Variants in TIAM1 observed in about 807,000 individuals in gnomAD.
TIAM1 encodes TIAM Rac1 associated GEF 1, also known as rho guanine nucleotide exchange factor TIAM1.
TIAM1 carries 65 observed loss-of-function variants against 163.5 expected under a neutral mutation model. The observed-to-expected ratio is 0.40, with a 90% confidence interval of 0.33 to 0.49. The LOEUF (loss-of-function observed/expected upper bound fraction) is 0.49, where lower values mean the gene tolerates loss of function less well. Ranked by LOEUF, TIAM1 falls within the 20% of genes least tolerant of loss-of-function variation. TIAM1 has a pLI of 0.77. For missense variants in TIAM1, 1,789 were observed against 2,044.7 expected (o/e 0.87, Z 2.41); for synonymous variants, 833 against 810.1 (o/e 1.03, Z -0.48).
chr21:31,409,254 C>T (rs754585974), intron 2 of TIAM1, among the ~76,000 whole-genome samples: 1 of 152,142 alleles, frequency 6.6e-6, no homozygotes, highest in Non-Finnish European at 1.5e-5. Context: ...GAATTACAGG[C>T]ATCCGCCACC....
chr21:31,199,665 G>A (rs2086090810), intron 12 of TIAM1, among the ~76,000 whole-genome samples: 3 of 151,994 alleles, frequency 2.0e-5, no homozygotes, highest in Admixed American at 2.0e-4. Flanking sequence ...TGAATAGCTG[G>A]AACCATAGGC....
Position 31,413,128 on chromosome 21 carries a change from G to A in TIAM1, c.-369+50855C>T, listed in dbSNP as rs897088321. Among the ~76,000 whole-genome samples, 11 of 152,120 alleles carry A rather than the reference G, an allele frequency of 7.2e-5. No homozygotes were observed. The East Asian group carries it at 1.7e-3, about 24-fold the overall frequency. On this transcript the variant is annotated intron_variant, in intron 2 of 28. Coordinates refer to the TIAM1 transcript ENST00000286827. Reference sequence around the variant, plus strand: ...AAATATAAAGAAACAAAATAATATCGTAATTCTCCTTTCTCAGATGCTTCT... The same window carrying A: ...AAATATAAAGAAACAAAATAATATCATAATTCTCCTTTCTCAGATGCTTCT...
rs1389810096 is a variant in TIAM1, at chr21:31,120,889, A to C, written c.4307-52T>G. On this transcript the variant is annotated intron_variant, in intron 27 of 27. Transcript: ENST00000541036. This position sits in a 1 kb window ranked among gnomAD's most constrained non-coding sequence, Gnocchi z 4.2. The stretch of plus-strand genomic sequence containing the variant: ...ATAAAACCCCCACATGCTTTACGTG[A>C]GATGAAAATCCAGAAAGCAAAGGAC... 1.4e-6 allele frequency: 2 copies of C among 1,479,070 alleles called. No individual in the cohort carries two copies. The highest frequency in any genetic ancestry group is 1.4e-5 in the African/African-American group (1 of 70,654). The allele number at this position is 1,479,070 out of a possible 1,614,324, so 91.6% of individuals were successfully genotyped here.
At chr21:31,174,221 A>AT (rs1324031603) in intron 15 of TIAM1, among the ~76,000 whole-genome samples, 3 of 152,220 alleles carry the variant, frequency 2.0e-5, no homozygotes, top group East Asian at 3.8e-4. Context: ...AGACCAAAAT[A>AT]GAACCTCACA....
chr21:31,179,185 G>A (rs960597037), intron 15 of TIAM1, among the ~76,000 whole-genome samples: 21 of 150,810 alleles, frequency 1.4e-4, no homozygotes, highest in African/African-American at 4.4e-4. Context: ...TCGGGAGTTC[G>A]AGACCAGCCT....
intron 5 of TIAM1, among the ~76,000 whole-genome samples, chr21:31,250,430 A>C: frequency 6.6e-6 from 1 of 152,216 alleles, no homozygotes. Context: ...GCTGGCACCA[A>C]GAATAATGGG....
At chr21:31,174,353 G>A (rs1037445178) in intron 15 of TIAM1, among the ~76,000 whole-genome samples, 3 of 152,198 alleles carry the variant, frequency 2.0e-5, no homozygotes, top group African/African-American at 7.2e-5. Flanking sequence ...CTATCACAGA[G>A]GCCTTTCCTG....
rs548927103 is a variant in TIAM1, at chr21:31,385,899, G to A, written c.-368-46477C>T. On this transcript the variant is annotated intron_variant, in intron 2 of 28. Transcript: ENST00000286827. ...TATATTAGTTAATATAATTATATTA[G>A]TTAATATAATTAATATATTAATTGA... 3.2e-3 allele frequency among the ~76,000 whole-genome samples: 458 copies of A among 141,646 alleles called. 1 individual carries two copies. Among genetic ancestry groups the A allele is most frequent in the African/African-American group, 0.011 (437 of 38,666 alleles). The allele number at this position is 141,646 out of a possible 152,430, so 92.9% of individuals were successfully genotyped here. A position where few individuals can be genotyped will look rare whatever the true frequency, so the allele number is the denominator to read the frequency against.
intron 1 of TIAM1, among the ~76,000 whole-genome samples, chr21:31,551,688 A>G (rs765467656): frequency 2.0e-5 from 3 of 152,194 alleles, no homozygotes; most frequent in Non-Finnish European, 4.4e-5. Context: ...GGCTGCAGTG[A>G]GCCGTGACTG....
chr21:31,256,588 TACACAC>T (rs5030999), intron 4 of TIAM1, among the ~76,000 whole-genome samples: 1,349 of 128,236 alleles, frequency 0.011, 32 homozygotes, highest in African/African-American at 0.037. Context: ...TACCCCTCAC[TACACAC>T]ACACACACAC....
Position 31,230,250 on chromosome 21 carries a change from C to T in TIAM1, c.1585-4300G>A, listed in dbSNP as rs114281526. Among the ~76,000 whole-genome samples the T allele has an allele frequency of 1.9e-3, 284 of 152,190 alleles. 1 individual carries two copies. The highest frequency in any genetic ancestry group is 6.5e-3 in the African/African-American group (268 of 41,536). On this transcript the variant is annotated intron_variant, in intron 6 of 27. Coordinates refer to ENST00000541036, the MANE Select transcript of TIAM1 (RefSeq NM_001353694.2). ...CTGAAATTTCTGACAGCAAGCTCGGCTGAATATATGTTATGAACTTAAGAA... is the reference window on the plus strand; with the variant it reads ...CTGAAATTTCTGACAGCAAGCTCGGTTGAATATATGTTATGAACTTAAGAA...
chr21:31,402,489 C>G (rs912059774), intron 2 of TIAM1, among the ~76,000 whole-genome samples: 1 of 152,164 alleles, frequency 6.6e-6, no homozygotes, highest in Non-Finnish European at 1.5e-5. Context: ...GATTTTCCTG[C>G]TTTACAAGGC....
At chr21:31,507,401 T>C (rs2047070309) in intron 1 of TIAM1, among the ~76,000 whole-genome samples, 1 of 151,518 alleles carries the variant, frequency 6.6e-6, no homozygotes, top group Non-Finnish European at 1.5e-5. Flanking sequence ...GAGATGGGGT[T>C]TCACCATGTT....
intron 2 of TIAM1, among the ~76,000 whole-genome samples, chr21:31,338,175 G>A (rs1262064974): frequency 2.6e-5 from 4 of 152,220 alleles, no homozygotes; most frequent in Non-Finnish European, 5.9e-5. Flanking sequence ...CTGGATGCAG[G>A]CAGAGCGGAG....
chr21:31,466,959 A>G (rs1443616465), intron 1 of TIAM1, among the ~76,000 whole-genome samples: 2 of 151,392 alleles, frequency 1.3e-5, no homozygotes, highest in African/African-American at 4.9e-5. Context: ...ACAGGCATAT[A>G]AATAAAATAG....
rs34322961 is a variant in TIAM1 at position 31,395,237 on chromosome 21, C to CA, written c.-368-55816dup. Among the ~76,000 whole-genome samples the CA allele has an allele frequency of 7.8e-4, 113 of 145,070 alleles. 2 individuals are homozygous for CA. Among genetic ancestry groups the CA allele is most frequent in the African/African-American group, 2.5e-3 (96 of 38,974 alleles). Reference sequence around the variant, plus strand: ...TGGGCAACAGAGTGAGACTCTGTCTCAAAAAAAAAAAAGAGGAGGTGGGGG... The same window carrying CA: ...TGGGCAACAGAGTGAGACTCTGTCTCAAAAAAAAAAAAAGAGGAGGTGGGGG... On this transcript the variant is annotated intron_variant, in intron 2 of 28. Coordinates refer to the TIAM1 transcript ENST00000286827. The surrounding 1 kb of genome is among the most constrained non-coding windows in gnomAD (Gnocchi z 7.5).
chr21:31,178,746 C>T (rs2084881115), intron 15 of TIAM1, among the ~76,000 whole-genome samples: 1 of 152,082 alleles, frequency 6.6e-6, no homozygotes, highest in African/African-American at 2.4e-5. Flanking sequence ...AAAGCAGACT[C>T]TGTTCTGGAG....
rs2047755614 is a variant in TIAM1, at chr21:31,525,687, TAC to T, written c.-422+33238_-422+33239del. Among the ~76,000 whole-genome samples, 3 of 152,082 alleles carry T rather than the reference TAC, an allele frequency of 2.0e-5. 1 individual carries two copies. The highest frequency in any genetic ancestry group is 4.1e-4 in the South Asian group (2 of 4,824). Reference sequence around the variant, plus strand: ...CCAGAGTCCATGCTATTAACCCCTGTACCAGGGACTCTTATTATATGAAGAAA... The same window carrying T: ...CCAGAGTCCATGCTATTAACCCCTGTCAGGGACTCTTATTATATGAAGAAA... On this transcript the variant is annotated intron_variant, in intron 1 of 28. Transcript: ENST00000286827.
chr21:31,461,092 C>G (rs1244579822), intron 2 of TIAM1, among the ~76,000 whole-genome samples: 1 of 152,138 alleles, frequency 6.6e-6, no homozygotes, highest in Non-Finnish European at 1.5e-5. Context: ...GAACTCCCGA[C>G]CAAACACAGA....
Sources: allele counts gnomAD v4.1 joint callset (sites outside exome capture counted in the v4.1 genomes callset), GRCh38; gene constraint gnomAD v4.1.1; non-coding constraint Gnocchi (gnomAD v3.1); transcripts MANE v1.5; gene names NCBI Gene and HGNC (gene_info 2026-07-23, HGNC 2026-07-21).